Variants in PAX5 observed in about 807,000 individuals in gnomAD.
PAX5 encodes paired box 5, also known as paired box protein Pax-5.
A neutral mutation model predicts 43.7 loss-of-function variants in PAX5; 9 were observed. That is an observed-to-expected ratio of 0.21 (90% CI 0.12 to 0.36). PAX5 has a LOEUF of 0.36. Among genes scored for constraint, PAX5 ranks in the 10% least tolerant of loss-of-function variants. The pLI, the probability that PAX5 is intolerant of heterozygous loss-of-function variation, is 1.00. For synonymous variants in PAX5, 228 were observed against 214.3 expected, an observed-to-expected ratio of 1.06 and a Z score of -0.56; for missense variants, 383 against 532.7, an observed-to-expected ratio of 0.72 and a Z score of 2.77.
intron 9 of PAX5, among the ~76,000 whole-genome samples, chr9:36,846,316 C>G (rs749822631): frequency 5.3e-5 from 8 of 152,206 alleles, no homozygotes; most frequent in Non-Finnish European, 8.8e-5. Flanking sequence ...AAATGGCATG[C>G]TTTGTCAGAC....
intron 7 of PAX5, among the ~76,000 whole-genome samples, chr9:36,921,689 C>T (rs574180129): frequency 1.3e-5 from 2 of 152,304 alleles, no homozygotes; most frequent in Admixed American, 6.5e-5. Flanking sequence ...TATTATTGTT[C>T]GCTAATCCAG....
chr9:36,932,865 C>T (rs534927994), intron 6 of PAX5, among the ~76,000 whole-genome samples: 5 of 152,024 alleles, frequency 3.3e-5, no homozygotes, highest in South Asian at 2.1e-4. Context: ...TGAAAGTCTC[C>T]GTAATTATGG....
chr9:36,983,519 G>A (rs1466615817), intron 5 of PAX5, among the ~76,000 whole-genome samples: 1 of 152,124 alleles, frequency 6.6e-6, no homozygotes, highest in Non-Finnish European at 1.5e-5. Flanking sequence ...TAAATTATGT[G>A]TATGAGTGGA....
chr9:36,904,361 A>G (rs2131872190), intron 7 of PAX5, among the ~76,000 whole-genome samples: 1 of 152,328 alleles, frequency 6.6e-6, no homozygotes, highest in East Asian at 1.9e-4. Context: ...ATGTGACCCC[A>G]TCTTGAACCT....
At chr9:36,891,766 C>T (rs1210234521) in intron 7 of PAX5, among the ~76,000 whole-genome samples, 4 of 152,172 alleles carry the variant, frequency 2.6e-5, no homozygotes, top group Non-Finnish European at 5.9e-5. Context: ...CCCAAAATTA[C>T]CTAATCCCCA....
chr9:37,025,115 C>T (rs1186790939), intron 1 of PAX5, among the ~76,000 whole-genome samples: 1 of 152,222 alleles, frequency 6.6e-6, no homozygotes, highest in Non-Finnish European at 1.5e-5. Flanking sequence ...CGGTTGGGCG[C>T]AGGCCCCAAA....
intron 6 of PAX5, among the ~76,000 whole-genome samples, chr9:36,925,129 G>A (rs1830546707): frequency 6.6e-6 from 1 of 152,072 alleles, no homozygotes; most frequent in South Asian, 2.1e-4. Flanking sequence ...GCACATTCCT[G>A]GTGTCTTTCC....
At chr9:37,002,008 G>A (rs1186101634) in intron 5 of PAX5, among the ~76,000 whole-genome samples, 1 of 151,980 alleles carries the variant, frequency 6.6e-6, no homozygotes, top group African/African-American at 2.4e-5. Flanking sequence ...GGCCAGGCCC[G>A]TGGAGGGGCT....
At chr9:36,957,023 C>CCG (rs879720297) in intron 6 of PAX5, among the ~76,000 whole-genome samples, 108,911 of 151,454 alleles carry the variant, frequency 0.72, 39,613 homozygotes, top group South Asian at 0.83. Flanking sequence ...CCTTGTCCCC[C>CCG]CCACTTCCAC....
rs2132472020 is a variant in PAX5, at chr9:37,015,122, C to T, written c.285G>A (p.Val95=). The T allele has an allele frequency of 1.9e-6, 3 of 1,614,158 alleles. No individual in the cohort carries two copies. In the South Asian group the frequency reaches 3.3e-5, roughly 18 times the overall value. Residue 95 remains valine, a synonymous_variant, in exon 3 of 10, where the codon GTG becomes GTA. Transcript: ENST00000358127. This position sits in a 1 kb window ranked among gnomAD's most constrained non-coding sequence, Gnocchi z 4.4. Reference sequence around the variant, plus strand: ...GTTTATATTCAGCGATTTTTTCCACCACTTTGGGTGTGGCGACCTTTGGTT... The same window carrying T: ...GTTTATATTCAGCGATTTTTTCCACTACTTTGGGTGTGGCGACCTTTGGTT... ...GSKPKVATPK[V]VEKIAEYKRQ...
chr9:36,989,025 T>G (rs1836706043), intron 5 of PAX5, among the ~76,000 whole-genome samples: 2 of 152,200 alleles, frequency 1.3e-5, no homozygotes, highest in African/African-American at 4.8e-5. Flanking sequence ...CCACCTGCTG[T>G]GGCTTAAAAC....
chr9:36,977,448 C>A (rs777210802), intron 5 of PAX5, among the ~76,000 whole-genome samples: 2 of 152,200 alleles, frequency 1.3e-5, no homozygotes, highest in Non-Finnish European at 1.5e-5. Flanking sequence ...TCCACTTAAT[C>A]CAGACTAGGG....
At chr9:36,866,277 A>T (rs1824874095) in intron 8 of PAX5, among the ~76,000 whole-genome samples, 1 of 152,196 alleles carries the variant, frequency 6.6e-6, no homozygotes, top group Non-Finnish European at 1.5e-5. Flanking sequence ...CTGACTTTCT[A>T]ACTGGGTCAC....
intron 6 of PAX5, among the ~76,000 whole-genome samples, chr9:36,939,528 C>G (rs1831855316): frequency 6.6e-6 from 1 of 152,194 alleles, no homozygotes; most frequent in Non-Finnish European, 1.5e-5. Flanking sequence ...ACCTGTTTGT[C>G]TTTTATACAT....
chr9:36,893,147 G>A (rs996152373), intron 7 of PAX5, among the ~76,000 whole-genome samples: 34 of 152,204 alleles, frequency 2.2e-4, no homozygotes, highest in African/African-American at 8.0e-4. Context: ...ACTAAACACA[G>A]TCCGTGCCCA....
At chr9:36,968,976 A>G (rs1041198456) in intron 5 of PAX5, among the ~76,000 whole-genome samples, 2 of 152,098 alleles carry the variant, frequency 1.3e-5, no homozygotes, top group East Asian at 1.9e-4. Flanking sequence ...AGTTTTTCCT[A>G]CTCAGCTGTG....
chr9:36,846,459 T>C (rs1822582246), intron 9 of PAX5, among the ~76,000 whole-genome samples: 1 of 152,182 alleles, frequency 6.6e-6, no homozygotes, highest in South Asian at 2.1e-4. Flanking sequence ...TCGATTCAAG[T>C]TGGTATCTTT....
At chr9:37,002,170 G>C (rs1429714161) in intron 5 of PAX5, among the ~76,000 whole-genome samples, 1 of 152,038 alleles carries the variant, frequency 6.6e-6, no homozygotes, top group East Asian at 1.9e-4. Flanking sequence ...GGCCTTCTCT[G>C]TCTGCTGAGA....
In PAX5 at chr9:37,019,715, A is replaced by G. The variant is rs547207999; in HGVS notation, c.212+921T>C. Among the ~76,000 whole-genome samples, 3 of 152,348 alleles carry G rather than the reference A, an allele frequency of 2.0e-5. No homozygotes were observed. The South Asian group carries it at 6.2e-4, about 32-fold the overall frequency. On this transcript the variant is annotated intron_variant, in intron 2 of 9. Coordinates refer to ENST00000358127, the MANE Select transcript of PAX5 (RefSeq NM_016734.3). ...CTGACCCGGGAAAAGAAATAGTGAG[A>G]AAGCACTGAACAGCTAAACCCAAGA...
Sources: gnomAD v4.1 joint callset for allele counts (sites outside exome capture counted in the v4.1 genomes callset) on GRCh38, gnomAD v4.1.1 for gene constraint, Gnocchi (gnomAD v3.1) non-coding constraint, MANE v1.5 for transcripts, NCBI Gene and HGNC (gene_info 2026-07-23, HGNC 2026-07-21) for gene names.